Variants in MED12L observed in about 807,000 individuals in gnomAD.
MED12L encodes mediator of RNA polymerase II transcription subunit 12-like protein.
Under a neutral mutation model 281.3 loss-of-function variants are expected in MED12L, and 60 were observed. The ratio of observed to expected loss-of-function variants is 0.21; its 90% CI spans 0.17 to 0.26. The LOEUF (loss-of-function observed/expected upper bound fraction) is 0.26, where lower values mean the gene tolerates loss of function less well. Ranked by LOEUF, MED12L falls within the 10% of genes least tolerant of loss-of-function variation. MED12L has a pLI of 1.00. For missense variants in MED12L, 2,146 were observed against 2,680.9 expected (o/e 0.80, Z 4.41); for synonymous variants, 974 against 987.2 (o/e 0.99, Z 0.25).
Position 151,387,919 on chromosome 3 carries a change from G to C in MED12L, c.5198G>C (p.Arg1733Pro), listed in dbSNP as rs2276761. 5 of 1,614,088 alleles carry C rather than the reference G, an allele frequency of 3.1e-6. No individual in the cohort carries two copies. The highest frequency in any genetic ancestry group is 4.2e-6 in the Non-Finnish European group (5 of 1,180,006). The change falls in exon 37 of 45, where the codon CGA becomes CCA. Residue 1733 changes from arginine to proline, a missense_variant. Physicochemically the swap from Arg to Pro is moderately radical, Grantham distance 103 (BLOSUM62 -2). Transcript: ENST00000687756. Reference protein sequence around the residue: ...WAWFGTVRVDRRVIKYEEQHH... With the variant: ...WAWFGTVRVDPRVIKYEEQHH... Reference sequence around the variant, plus strand: ...TGGTTTGGGACAGTCCGAGTGGACCGAAGAGTGATCAAGTACGAGGAGCAG... The same window carrying C: ...TGGTTTGGGACAGTCCGAGTGGACCCAAGAGTGATCAAGTACGAGGAGCAG...
At chr3:151,389,883 T>TA (rs1204212278) in intron 37 of MED12L, 96 bp from the exon 38 acceptor site, 2 of 1,188,704 alleles carry the variant, frequency 1.7e-6, no homozygotes, top group Admixed American at 1.8e-5. Context: ...TACATTGGGA[T>TA]AGGAGGTACC....
In MED12L at chr3:151,189,437, G is replaced by T. The variant is rs59157722; in HGVS notation, c.1753+957G>T. 8.6e-3 allele frequency among the ~76,000 whole-genome samples: 1,303 copies of T among 152,310 alleles called. 27 individuals are homozygous for T. The highest frequency in any genetic ancestry group is 0.03 in the African/African-American group (1,234 of 41,564). On this transcript the variant is annotated intron_variant, in intron 13 of 44. Coordinates refer to ENST00000687756, the MANE Select transcript of MED12L (RefSeq NM_001393769.1). ...CTGATAGCAGAAAATATATTGTCAG[G>T]CATGAAGTTAGCAGTTGTAACTTAC...
At chr3:151,361,606 T>C (rs1230654270) in intron 21 of MED12L, among the ~76,000 whole-genome samples, 1 of 152,154 alleles carries the variant, frequency 6.6e-6, no homozygotes, top group African/African-American at 2.4e-5. Context: ...AAGTTGTATT[T>C]TTATAAATAT....
At chr3:151,289,442 G>A (rs1429911611) in intron 16 of MED12L, among the ~76,000 whole-genome samples, 5 of 152,188 alleles carry the variant, frequency 3.3e-5, no homozygotes, top group South Asian at 2.1e-4. Flanking sequence ...ATTCAAGGAC[G>A]TATGATATGG....
chr3:151,232,768 C>T lies in MED12L; in HGVS notation c.2250+39102C>T, dbSNP rs111581796. Among the ~76,000 whole-genome samples the T allele has an allele frequency of 7.0e-3, 1,065 of 152,184 alleles. 7 individuals carry two copies. The highest frequency in any genetic ancestry group is 0.016 in the South Asian group (75 of 4,816). On this transcript the variant is annotated intron_variant, in intron 16 of 44. Transcript: ENST00000687756. ...TCATGGACACAAAGGGAACAGTAGA[C>T]ACTGAGGCTTACTTGAGGATGGAGG...
chr3:151,328,475 C>G (rs188633801), intron 16 of MED12L: 12 of 1,613,894 alleles, frequency 7.4e-6, no homozygotes, highest in Non-Finnish European at 5.1e-6. Flanking sequence ...TAAGGAAGCA[C>G]ACTTTTTCAC....
chr3:151,402,029 T>C (rs576898279), intron 39 of MED12L, among the ~76,000 whole-genome samples: 3 of 152,200 alleles, frequency 2.0e-5, no homozygotes, highest in Non-Finnish European at 2.9e-5. Flanking sequence ...GAATCACCAA[T>C]ACAAGCATGG....
At chr3:151,236,833 G>C (rs1233622388) in intron 16 of MED12L, among the ~76,000 whole-genome samples, 2 of 152,008 alleles carry the variant, frequency 1.3e-5, no homozygotes, top group East Asian at 3.8e-4. Flanking sequence ...TTTGGTTACT[G>C]TATAGCATTC....
intron 43 of MED12L, among the ~76,000 whole-genome samples, chr3:151,420,704 A>G (rs1288723865): frequency 2.0e-5 from 3 of 152,220 alleles, no homozygotes; most frequent in Non-Finnish European, 4.4e-5. Flanking sequence ...CTTCAGGATG[A>G]TGGGGAACAT....
At chr3:151,269,562 T>C (rs1001802245) in intron 16 of MED12L, 3 of 297,710 alleles carry the variant, frequency 1.0e-5, no homozygotes, top group Non-Finnish European at 2.0e-5. Context: ...TTTCAAATTT[T>C]TGGGTAACAG....
At chr3:151,286,432 T>A (rs925940405) in intron 16 of MED12L, among the ~76,000 whole-genome samples, 1 of 152,216 alleles carries the variant, frequency 6.6e-6, no homozygotes, top group Non-Finnish European at 1.5e-5. Context: ...GTGTTCCTTC[T>A]TGTGGTGTTA....
At chr3:151,186,058 TATG>T (rs1723223353) in intron 12 of MED12L, among the ~76,000 whole-genome samples, 1 of 152,236 alleles carries the variant, frequency 6.6e-6, no homozygotes, top group Admixed American at 6.5e-5. Flanking sequence ...CAGTTATGAT[TATG>T]ATATTATAAA....
intron 16 of MED12L, among the ~76,000 whole-genome samples, chr3:151,293,576 T>TACAA (rs1553770628): frequency 1.6e-4 from 12 of 76,200 alleles, no homozygotes; most frequent in African/African-American, 7.3e-4. Context: ...ATGAAGCCCT[T>TACAA]ACACACACAC....
At position 151,164,016 on chromosome 3, in the gene MED12L, G is replaced by T. The variant is rs927124752; in HGVS notation, c.1231G>T (p.Gly411Cys). The T allele has an allele frequency of 8.7e-6, 14 of 1,613,292 alleles. No individual in the cohort carries two copies. The Middle Eastern group carries it at 1.3e-3, about 152-fold the overall frequency. ...GGCCCCGTCCAGCCTCCCCATGCCG[G>T]GTGGGAACACGGCTTTCAATCAGCA... Reference protein sequence around the residue: ...QVAPSSLPMPGGNTAFNQQVR... With the variant: ...QVAPSSLPMPCGNTAFNQQVR... Residue 411 changes from glycine (G) to cysteine (C), a missense_variant, in exon 9 of 45, where the codon GGT (glycine) becomes TGT (cysteine). Coordinates refer to ENST00000687756, the MANE Select transcript of MED12L (RefSeq NM_001393769.1).
intron 5 of MED12L, among the ~76,000 whole-genome samples, chr3:151,150,735 C>G (rs909546963): frequency 2.0e-5 from 3 of 152,262 alleles, no homozygotes; most frequent in African/African-American, 7.2e-5. Flanking sequence ...TTCTGGATCA[C>G]TTGTGGCAGC....
At chr3:151,309,993 A>G (rs1239840321) in intron 16 of MED12L, among the ~76,000 whole-genome samples, 1 of 152,174 alleles carries the variant, frequency 6.6e-6, no homozygotes, top group Admixed American at 6.5e-5. Flanking sequence ...TGTGTAAGGC[A>G]TGGCTGAAGA....
chr3:151,387,056 A>G (rs775179301), intron 36 of MED12L, among the ~76,000 whole-genome samples: 8 of 152,212 alleles, frequency 5.3e-5, no homozygotes, highest in South Asian at 2.1e-4. Flanking sequence ...ATGCATATAG[A>G]TAACAACAGT....
rs1024852904 is a variant in MED12L, at chr3:151,434,891, T to TATC, written c.*2088_*2090dup. 2.0e-5 allele frequency: 3 copies of TATC among 152,170 alleles called. No homozygotes were observed. Among genetic ancestry groups the TATC allele is most frequent in the African/African-American group, 7.2e-5 (3 of 41,458 alleles). The allele number at this position is 152,170 out of a possible 1,614,324, so 9.4% of individuals were successfully genotyped here. A position where few individuals can be genotyped will look rare whatever the true frequency, so the allele number is the denominator to read the frequency against. On this transcript the variant is annotated 3_prime_UTR_variant, in exon 45 of 45. Coordinates refer to ENST00000687756, the MANE Select transcript of MED12L (RefSeq NM_001393769.1). ...TTTTGCACATGAAAGCTGTGGGGCA[T>TATC]ATCTTTTTTCTTTTTTTAGGTGAGG...
intron 16 of MED12L, among the ~76,000 whole-genome samples, chr3:151,252,448 A>G (rs377727728): frequency 6.6e-6 from 1 of 152,146 alleles, no homozygotes; most frequent in African/African-American, 2.4e-5. Context: ...GTTTCTCCCA[A>G]CTAGATTGGG....
Sources: gnomAD v4.1 joint callset for allele counts (sites outside exome capture counted in the v4.1 genomes callset) on GRCh38, gnomAD v4.1.1 for gene constraint, MANE v1.5 for transcripts, NCBI Gene and HGNC (gene_info 2026-07-23, HGNC 2026-07-21) for gene names.